TTC28: variants seen among roughly 807,000 people sequenced by gnomAD.
TTC28 encodes the protein tetratricopeptide repeat protein 28.
Under a neutral mutation model 198.0 loss-of-function variants are expected in TTC28, and 61 were observed. That is an observed-to-expected ratio of 0.31 (90% confidence interval 0.25 to 0.38). The LOEUF (loss-of-function observed/expected upper bound fraction) is 0.38. TTC28 is among the 10% of genes least tolerant of loss of function. The probability of loss-of-function intolerance (pLI) is 1.00; values close to 1 mark genes in which losing one functional copy is unlikely to be tolerated. For synonymous variants in TTC28, 1,171 were observed against 1,297.8 expected (o/e 0.90, Z 2.10); for missense variants, 2,678 against 3,164.0 (o/e 0.85, Z 3.69).
intron 6 of TTC28, among the ~76,000 whole-genome samples, chr22:28,115,367 C>T (rs1308568805): frequency 2.6e-5 from 4 of 152,176 alleles, no homozygotes; most frequent in East Asian, 1.9e-4. Context: ...CTGGAAATGT[C>T]GTCCAGTAAA....
chr22:28,564,247 T>C (rs1366625769), intron 2 of TTC28, among the ~76,000 whole-genome samples: 2 of 152,282 alleles, frequency 1.3e-5, no homozygotes. Flanking sequence ...ATCCCATGAA[T>C]TGTTTACTTT....
Position 28,143,555 on chromosome 22 carries a change from C to T in TTC28, c.1441+19537G>A, listed in dbSNP as rs1321439700. The stretch of plus-strand genomic sequence containing the variant: ...TGAACATGTTTCTTAAATAAGACTG[C>T]TATAATTTAACACCCATTTAGTATG... On this transcript the variant is annotated intron_variant, in intron 6 of 22. Coordinates refer to ENST00000397906, the MANE Select transcript of TTC28 (RefSeq NM_001145418.2). 5.9e-5 allele frequency among the ~76,000 whole-genome samples: 9 copies of T among 152,228 alleles called. No homozygotes were observed. In the East Asian group the frequency reaches 1.7e-3, roughly 29 times the overall value.
chr22:28,483,995 C>T (rs929379482), intron 2 of TTC28, among the ~76,000 whole-genome samples: 4 of 152,144 alleles, frequency 2.6e-5, no homozygotes, highest in African/African-American at 7.2e-5. Flanking sequence ...ATTTATAATT[C>T]GACTCCGTAA....
At chr22:28,592,716 C>T (rs1601602061) in intron 2 of TTC28, among the ~76,000 whole-genome samples, 1 of 152,292 alleles carries the variant, frequency 6.6e-6, no homozygotes, top group African/African-American at 2.4e-5. Flanking sequence ...CTTGTGGACA[C>T]TTTCCTTCAT....
intron 2 of TTC28, among the ~76,000 whole-genome samples, chr22:28,335,488 C>T (rs2045696886): frequency 6.6e-6 from 1 of 152,190 alleles, no homozygotes; most frequent in Admixed American, 6.5e-5. Context: ...TACTCATGAG[C>T]ATAGAATGTT....
chr22:28,151,248 C>G (rs1350387545), intron 6 of TTC28, among the ~76,000 whole-genome samples: 1 of 152,214 alleles, frequency 6.6e-6, no homozygotes, highest in East Asian at 1.9e-4. Context: ...TTACCTGCTG[C>G]TGATAACATC....
At chr22:28,101,018 C>T (rs1398954410) in intron 9 of TTC28, among the ~76,000 whole-genome samples, 153 bp downstream of exon 9, 6 of 152,176 alleles carry the variant, frequency 3.9e-5, no homozygotes, top group African/African-American at 1.4e-4. Flanking sequence ...TGTTCAAATA[C>T]TTCTGGGCTA....
At chr22:28,177,455 T>C (rs1923272923) in intron 5 of TTC28, among the ~76,000 whole-genome samples, 3 of 152,326 alleles carry the variant, frequency 2.0e-5, no homozygotes, top group Admixed American at 1.3e-4. Context: ...GGCAATTTCT[T>C]AGAAAACTCA....
chr22:28,674,541 C>T (rs1285685914), intron 1 of TTC28, among the ~76,000 whole-genome samples: 1 of 152,012 alleles, frequency 6.6e-6, no homozygotes, highest in Admixed American at 6.6e-5. Flanking sequence ...GACCTGTTGG[C>T]TGGAGCAGTG....
At chr22:28,004,345 G>A (rs184531379) in intron 14 of TTC28, among the ~76,000 whole-genome samples, 1 of 152,340 alleles carries the variant, frequency 6.6e-6, no homozygotes, top group Admixed American at 6.5e-5. Flanking sequence ...TGCGGGAGAG[G>A]GGGCTGTACC....
At chr22:28,620,850 A>C (rs1457108302) in intron 2 of TTC28, among the ~76,000 whole-genome samples, 2 of 152,208 alleles carry the variant, frequency 1.3e-5, no homozygotes, top group Non-Finnish European at 2.9e-5. Context: ...GTCCTCCACC[A>C]TGACAATGTT....
chr22:28,133,865 G>C (rs900090652), intron 6 of TTC28, among the ~76,000 whole-genome samples: 8 of 152,190 alleles, frequency 5.3e-5, no homozygotes, highest in African/African-American at 1.9e-4. Flanking sequence ...GAGAGTAGTG[G>C]TTCTCCCAGC....
At chr22:28,628,481 T>C (rs915601470) in intron 2 of TTC28, among the ~76,000 whole-genome samples, 7 of 152,334 alleles carry the variant, frequency 4.6e-5, no homozygotes, top group African/African-American at 1.4e-4. Context: ...AAATCTACTC[T>C]TAGCAATTAT....
chr22:28,496,070 C>T (rs373328265), intron 2 of TTC28, among the ~76,000 whole-genome samples: 1 of 152,116 alleles, frequency 6.6e-6, no homozygotes, highest in African/African-American at 2.4e-5. Context: ...TTCCAGGATA[C>T]ACCAAGCTTT....
intron 2 of TTC28, among the ~76,000 whole-genome samples, chr22:28,434,454 C>G (rs974198430): frequency 8.5e-5 from 13 of 152,252 alleles, no homozygotes; most frequent in African/African-American, 3.1e-4. Flanking sequence ...AAGGCTGAGA[C>G]AGGCGGATCA....
At chr22:28,069,525 G>C (rs1940881532) in intron 12 of TTC28, among the ~76,000 whole-genome samples, 1 of 152,134 alleles carries the variant, frequency 6.6e-6, no homozygotes, top group African/African-American at 2.4e-5. Flanking sequence ...ACTCAGCAAA[G>C]CATCTTATAT....
intron 2 of TTC28, among the ~76,000 whole-genome samples, chr22:28,384,586 A>G (rs1255280410): frequency 1.3e-5 from 2 of 152,232 alleles, no homozygotes; most frequent in African/African-American, 4.8e-5. Context: ...GTATGCATTC[A>G]ATACGTGGTG....
rs909906475 is a variant in TTC28, at chr22:28,278,842, G to C, written c.933+17356C>G. Among the ~76,000 whole-genome samples, 14 of 152,280 alleles carry C rather than the reference G, an allele frequency of 9.2e-5. No individual in the cohort carries two copies. The Middle Eastern group carries it at 0.01, about 111-fold the overall frequency. On this transcript the variant is annotated intron_variant, in intron 5 of 22. Coordinates refer to ENST00000397906, the MANE Select transcript of TTC28 (RefSeq NM_001145418.2). ...GATTTTGGACATCTAGTTGAACCAG[G>C]TTTCAGCCATATATGAACATGTTGT...
chr22:28,030,268 G>A lies in TTC28; in HGVS notation c.4031C>T (p.Thr1344Ile), dbSNP rs927743208. The change falls in exon 13 of 23, where the codon ACT becomes ATT. Residue 1344 changes from threonine to isoleucine, a missense_variant. Around this residue, in one of 8 missense-constraint regions of TTC28, gnomAD observed 727 missense variants for 861.9 expected, o/e 0.84. Coordinates refer to ENST00000397906, the MANE Select transcript of TTC28 (RefSeq NM_001145418.2). Reference sequence around the variant, plus strand: ...GCGGCGAACCATCCGCAGAAAGCCAGTGGGGTCAGTGACCGAGTTGAGTTT... The same window carrying A: ...GCGGCGAACCATCCGCAGAAAGCCAATGGGGTCAGTGACCGAGTTGAGTTT... Reference protein sequence around the residue: ...NNKLNSVTDPTGFLRMVRRNN... With the variant: ...NNKLNSVTDPIGFLRMVRRNN... The A allele has an allele frequency of 4.1e-5, 63 of 1,551,676 alleles. No individual in the cohort carries two copies. Among genetic ancestry groups the A allele is most frequent in the Non-Finnish European group, 5.4e-5 (62 of 1,147,024 alleles).
Sources: gnomAD v4.1 joint callset for allele counts (sites outside exome capture counted in the v4.1 genomes callset) on GRCh38, gnomAD v4.1.1 for gene constraint, gnomAD v4.1.1 regional missense constraint, MANE v1.5 for transcripts, NCBI Gene and HGNC (gene_info 2026-07-23, HGNC 2026-07-21) for gene names.